The following RAD17 variants were observed in gnomAD, a reference collection of about 807,000 sequenced individuals.
The protein encoded by RAD17 is RAD17 checkpoint clamp loader component, also known as cell cycle checkpoint protein RAD17.
In RAD17, 31 loss-of-function variants were observed where a neutral mutation model predicts 81.5. That is an observed-to-expected ratio of 0.38 (90% CI 0.29 to 0.51). The LOEUF (loss-of-function observed/expected upper bound fraction) is 0.51, where lower values mean the gene tolerates loss of function less well. Among genes scored for constraint, RAD17 ranks in the 20% least tolerant of loss-of-function variants. The pLI is 0.88. For synonymous variants in RAD17, 261 were observed against 266.2 expected (o/e 0.98, Z 0.19); for missense variants, 681 against 781.2 (o/e 0.87, Z 1.53).
At chr5:69,399,732 G>A (rs1765136765) in intron 16 of RAD17, among the ~76,000 whole-genome samples, 1 of 152,042 alleles carries the variant, frequency 6.6e-6, no homozygotes, top group Non-Finnish European at 1.5e-5. Flanking sequence ...CTATTTTCGT[G>A]TAATTTATGA....
At chr5:69,369,424 C>A (rs1245333945), upstream of RAD17, 2 of 1,603,958 alleles carry the variant, frequency 1.2e-6, no homozygotes, top group African/African-American at 1.3e-5. Context: ...GCGCCCCCAG[C>A]CTGCCCCAGC....
chr5:69,393,289 C>T (rs375761194), intron 14 of RAD17, 49 bp downstream of exon 14: 97 of 1,562,396 alleles, frequency 6.2e-5, no homozygotes, highest in Non-Finnish European at 7.9e-5. Flanking sequence ...ATATATTATT[C>T]GTGTGCATAT....
chr5:69,374,150 G>T, intron 5 of RAD17, 63 bp downstream of exon 5: 1 of 1,315,416 alleles, frequency 7.6e-7, no homozygotes, highest in Non-Finnish European at 1.1e-6. Flanking sequence ...GGGTAGATGG[G>T]AAGCAGAGGG....
intron 12 of RAD17, among the ~76,000 whole-genome samples, chr5:69,389,851 T>C (rs1045809602): frequency 1.3e-5 from 2 of 152,150 alleles, no homozygotes; most frequent in Non-Finnish European, 2.9e-5. Context: ...TTAGCCAGGA[T>C]GGTTGCGATC....
chr5:69,389,103 A>G lies in RAD17; in HGVS notation c.964A>G (p.Ile322Val), dbSNP rs148247305. The change falls in exon 12 of 19, where the codon ATC (isoleucine) becomes GTC (valine). Residue 322 changes from isoleucine to valine, a missense_variant. By Grantham distance (29) the Ile-to-Val change is conservative (BLOSUM62 3). Transcript: ENST00000354868. ...ELLCQGCSGDIRSAINSLQFS... is the reference protein window; with the variant it reads ...ELLCQGCSGDVRSAINSLQFS... ...GCTCTGTCAGGGATGTTCTGGTGAT[A>G]TCAGAAGTGCAATAAACAGCCTCCA... The G allele has an allele frequency of 8.8e-6, 14 of 1,590,000 alleles. No individual in the cohort carries two copies. The highest frequency in any genetic ancestry group is 1.1e-5 in the Non-Finnish European group (13 of 1,167,832).
At chr5:69,400,514 C>A (rs1018063658) in intron 17 of RAD17, among the ~76,000 whole-genome samples, 2 of 152,042 alleles carry the variant, frequency 1.3e-5, no homozygotes, top group African/African-American at 4.8e-5. Flanking sequence ...CCGCACACGG[C>A]CAGAAGTAGG....
intron 2 of RAD17, 136 bp from the exon 3 acceptor site, chr5:69,371,318 C>A: frequency 2.1e-6 from 1 of 477,770 alleles, no homozygotes. Flanking sequence ...TCTTGTATCA[C>A]TTAAATTTAC....
intron 6 of RAD17, among the ~76,000 whole-genome samples, chr5:69,380,296 T>C (rs548033622): frequency 6.1e-4 from 93 of 152,350 alleles, no homozygotes; most frequent in African/African-American, 2.1e-3. Context: ...TTACACATAA[T>C]GAGATATACG....
chr5:69,396,318 G>A, intron 15 of RAD17, 79 bp from the exon 16 acceptor site: 1 of 1,443,446 alleles, frequency 6.9e-7, no homozygotes, highest in Non-Finnish European at 9.4e-7. Flanking sequence ...AATACGGTTA[G>A]TATTTTTGTA....
chr5:69,390,936 G>A (rs981286185), intron 12 of RAD17, among the ~76,000 whole-genome samples: 1 of 135,174 alleles, frequency 7.4e-6, no homozygotes, highest in Non-Finnish European at 1.6e-5. Context: ...CTGGGTGATA[G>A]AGCCAGACCC....
chr5:69,371,658 C>A (rs1580345978), intron 3 of RAD17, 101 bp downstream of exon 3: 3 of 558,206 alleles, frequency 5.4e-6, no homozygotes, highest in Non-Finnish European at 5.5e-6. Flanking sequence ...AGTAATAGAG[C>A]CGAGTATCTA....
intron 15 of RAD17, among the ~76,000 whole-genome samples, chr5:69,393,936 A>G (rs1459015966): frequency 2.8e-5 from 3 of 108,806 alleles, no homozygotes; most frequent in African/African-American, 6.9e-5. Context: ...TTTTTTGAGA[A>G]GAGGCTCTAT....
intron 1 of RAD17, chr5:69,370,734 T>C (rs1762911522): frequency 6.4e-6 from 1 of 155,540 alleles, no homozygotes; most frequent in Non-Finnish European, 1.4e-5. Context: ...CGTCACAGTC[T>C]CTAATCGTGA....
At chr5:69,380,517 C>T (rs1681445535) in intron 6 of RAD17, among the ~76,000 whole-genome samples, 1 of 152,180 alleles carries the variant, frequency 6.6e-6, no homozygotes, top group African/African-American at 2.4e-5. Context: ...TCATGGTGAA[C>T]AGCGCTATAA....
chr5:69,369,374 G>T, upstream of RAD17: 1 of 1,475,194 alleles, frequency 6.8e-7, no homozygotes. Flanking sequence ...AGAGGGCAGT[G>T]AGGGGCCCCC....
At chr5:69,369,520 C>G (rs200902755), upstream of RAD17, 196 of 1,611,138 alleles carry the variant, frequency 1.2e-4, no homozygotes, top group African/African-American at 1.6e-3. Flanking sequence ...TCGGGCGCCT[C>G]GCTCACGTGC....
At position 69,386,516 on chromosome 5, in the gene RAD17, TTAAA is replaced by T. The variant is rs761776999; in HGVS notation, c.894+54_894+57del. ...ACTCGATAACTATAGAAAGCCTAGC[TTAAA>T]TAGTATTATGTAAACTGAAGGAGTG... On this transcript the variant is annotated intron_variant, in intron 11 of 18. Transcript: ENST00000354868. 7.4e-6 allele frequency: 11 copies of T among 1,486,620 alleles called. 1 individual carries two copies. In the South Asian group the frequency reaches 1.7e-4, roughly 23 times the overall value. 92.1% of individuals were successfully genotyped at this position (1,486,620 alleles called of 1,614,324 possible). A position where few individuals can be genotyped will look rare whatever the true frequency, so the allele number is the denominator to read the frequency against.
At chr5:69,382,939 A>G (rs1763946516) in intron 7 of RAD17, among the ~76,000 whole-genome samples, 1 of 152,046 alleles carries the variant, frequency 6.6e-6, no homozygotes, top group Admixed American at 6.6e-5. Context: ...ATGTGCCACC[A>G]CACCCAGCTA....
At chr5:69,403,558 C>T (rs1765404405) in intron 17 of RAD17, among the ~76,000 whole-genome samples, 1 of 152,200 alleles carries the variant, frequency 6.6e-6, no homozygotes, top group South Asian at 2.1e-4. Flanking sequence ...TAAAACACTT[C>T]ATTGTATCAA....
Sources: gnomAD v4.1 joint callset for allele counts (sites outside exome capture counted in the v4.1 genomes callset) on GRCh38, gnomAD v4.1.1 for gene constraint, MANE v1.5 for transcripts, NCBI Gene and HGNC (gene_info 2026-07-23, HGNC 2026-07-21) for gene names.